The following ARHGEF10L variants were observed in gnomAD, a reference collection of about 807,000 sequenced individuals.
The protein encoded by ARHGEF10L is rho guanine nucleotide exchange factor 10-like protein.
ARHGEF10L carries 69 observed loss-of-function variants against 141.2 expected under a neutral mutation model. The ratio of observed to expected loss-of-function variants is 0.49; its 90% CI spans 0.40 to 0.60. The LOEUF (loss-of-function observed/expected upper bound fraction) is 0.60, where lower values mean the gene tolerates loss of function less well. ARHGEF10L is among the 20% of genes least tolerant of loss of function. The pLI is 0.00. For missense variants in ARHGEF10L, 1,482 were observed against 1,734.3 expected, an observed-to-expected ratio of 0.85 and a Z score of 2.58; for synonymous variants, 711 against 718.5, an observed-to-expected ratio of 0.99 and a Z score of 0.17.
At chr1:17,553,161 G>A (rs547336354) in intron 1 of ARHGEF10L, among the ~76,000 whole-genome samples, 3 of 152,290 alleles carry the variant, frequency 2.0e-5, no homozygotes, top group African/African-American at 7.2e-5. Flanking sequence ...CACTCCTCCA[G>A]GGCCTCAGAG....
intron 1 of ARHGEF10L, among the ~76,000 whole-genome samples, chr1:17,543,635 T>C (rs981636035): frequency 2.0e-5 from 3 of 151,992 alleles, no homozygotes; most frequent in African/African-American, 7.2e-5. Context: ...GTAAATTATA[T>C]ATATATAGTT....
Position 17,677,500 on chromosome 1 carries a change from C to T in ARHGEF10L, c.3010-10073C>T, listed in dbSNP as rs187519840. Among the ~76,000 whole-genome samples the T allele has an allele frequency of 3.3e-3, 498 of 152,338 alleles. 3 individuals are homozygous for T. The highest frequency in any genetic ancestry group is 6.8e-3 in the Middle Eastern group (2 of 294). The stretch of plus-strand genomic sequence containing the variant: ...CAGGCCTTCTGGCCCAGGGTGGGCA[C>T]TGGCTGGAGCTTTAGTCCCTGTGCT... On this transcript the variant is annotated intron_variant, in intron 26 of 28. Transcript: ENST00000361221.
chr1:17,607,618 C>T lies in ARHGEF10L; in HGVS notation c.434-184C>T, dbSNP rs184686642. On this transcript the variant is annotated intron_variant, in intron 6 of 28. Coordinates refer to ENST00000361221, the MANE Select transcript of ARHGEF10L (RefSeq NM_018125.4). The surrounding 1 kb of genome is among the most constrained non-coding windows in gnomAD (Gnocchi z 4.5). Reference sequence around the variant, plus strand: ...ATTTTCTCAGGCCCTCCTTGCCCTACGAGGGGGAAAATGTATTATCATCTT... The same window carrying T: ...ATTTTCTCAGGCCCTCCTTGCCCTATGAGGGGGAAAATGTATTATCATCTT... Among the ~76,000 whole-genome samples the T allele has an allele frequency of 1.7e-3, 257 of 152,298 alleles. 2 individuals carry two copies. The highest frequency in any genetic ancestry group is 0.01 in the Middle Eastern group (3 of 294).
the ARHGEF10L span, among the ~76,000 whole-genome samples, chr1:17,533,770 G>A: frequency 1.3e-5 from 2 of 152,218 alleles, no homozygotes; most frequent in African/African-American, 4.8e-5. Context: ...TGATGAGACC[G>A]ACTCTATCAT....
chr1:17,618,402 G>T, intron 9 of ARHGEF10L: 1 of 1,542,822 alleles, frequency 6.5e-7, no homozygotes, highest in Admixed American at 2.0e-5. Flanking sequence ...AGGCAGGCTG[G>T]GGTGGGTGCG....
At chr1:17,598,089 T>C (rs906187703) in intron 4 of ARHGEF10L, among the ~76,000 whole-genome samples, 4 of 151,656 alleles carry the variant, frequency 2.6e-5, no homozygotes, top group African/African-American at 9.7e-5. Flanking sequence ...GGGTGGCTTA[T>C]AAACAAGAGA....
At chr1:17,586,682 G>T (rs751580031) in intron 2 of ARHGEF10L, among the ~76,000 whole-genome samples, 1 of 152,196 alleles carries the variant, frequency 6.6e-6, no homozygotes, top group Non-Finnish European at 1.5e-5. Flanking sequence ...GGACAGACAG[G>T]TGAGATGTCT....
At chr1:17,537,636 A>G (rs987518964), upstream of ARHGEF10L, among the ~76,000 whole-genome samples, 3 of 152,170 alleles carry the variant, frequency 2.0e-5, no homozygotes, top group Non-Finnish European at 4.4e-5. Context: ...GTTCTCAGAC[A>G]GGAGGGTAAG....
intron 4 of ARHGEF10L, among the ~76,000 whole-genome samples, chr1:17,597,778 T>A (rs1011817474): frequency 6.6e-6 from 1 of 152,148 alleles, no homozygotes; most frequent in Admixed American, 6.5e-5. Flanking sequence ...CCAGAGCCAG[T>A]ACCTGGGCTG....
chr1:17,554,145 G>A (rs2077215378), intron 1 of ARHGEF10L, among the ~76,000 whole-genome samples: 1 of 152,192 alleles, frequency 6.6e-6, no homozygotes, highest in African/African-American at 2.4e-5. Flanking sequence ...CCGGGCCCTA[G>A]ATGCAAAAAT....
intron 1 of ARHGEF10L, among the ~76,000 whole-genome samples, chr1:17,557,356 CA>C (rs142762660): frequency 3.4e-5 from 5 of 148,332 alleles, no homozygotes; most frequent in Non-Finnish European, 6.0e-5. Flanking sequence ...AAAAAAAAAA[CA>C]AAAAAAACCA....
intron 11 of ARHGEF10L, 123 bp downstream of exon 11, chr1:17,622,064 A>G (rs2060137939): frequency 4.3e-6 from 4 of 934,994 alleles, no homozygotes; most frequent in East Asian, 5.2e-5. Flanking sequence ...ATAAGCCAGC[A>G]CTGCTTTATG....
chr1:17,549,071 G>C (rs574613541), intron 1 of ARHGEF10L, among the ~76,000 whole-genome samples: 1 of 149,544 alleles, frequency 6.7e-6, no homozygotes, highest in African/African-American at 2.5e-5. Flanking sequence ...CACCCCGGCT[G>C]GAGTGTGATG....
At chr1:17,617,455 C>T (rs1249681752) in intron 9 of ARHGEF10L, among the ~76,000 whole-genome samples, 6 of 152,176 alleles carry the variant, frequency 3.9e-5, no homozygotes, top group Non-Finnish European at 8.8e-5. Flanking sequence ...TATTCCCAGG[C>T]ATTGGTGGGA....
At chr1:17,669,619 G>T (rs2063193222) in intron 26 of ARHGEF10L, among the ~76,000 whole-genome samples, 1 of 152,190 alleles carries the variant, frequency 6.6e-6, no homozygotes, top group Non-Finnish European at 1.5e-5. Flanking sequence ...TCCTTGGGGT[G>T]CCTGGGCCCC....
intron 26 of ARHGEF10L, among the ~76,000 whole-genome samples, chr1:17,674,679 C>T (rs978070123): frequency 1.2e-4 from 19 of 152,358 alleles, no homozygotes; most frequent in Admixed American, 9.1e-4. Context: ...AACATAGTCA[C>T]GTGCTGCATA....
At chr1:17,581,644 C>T (rs1338381890) in intron 2 of ARHGEF10L, among the ~76,000 whole-genome samples, 1 of 152,154 alleles carries the variant, frequency 6.6e-6, no homozygotes, top group Non-Finnish European at 1.5e-5. Context: ...GGTTAAGTGA[C>T]ATGTTGTCTC....
intron 26 of ARHGEF10L, among the ~76,000 whole-genome samples, chr1:17,686,078 T>TTTCTTTCTTTCTTTCTTTCTTTCTTTC (rs1558033249): frequency 7.1e-6 from 1 of 140,552 alleles, no homozygotes; most frequent in African/African-American, 3.0e-5. Flanking sequence ...GTTTTGTTTT[T>TTTCTTTCTTTCTTTCTTTCTTTCTTTC]TTTCTTTCTT....
intron 25 of ARHGEF10L, among the ~76,000 whole-genome samples, chr1:17,658,038 C>CA (rs1162455485): frequency 1.3e-5 from 2 of 152,234 alleles, no homozygotes; most frequent in Non-Finnish European, 2.9e-5. Context: ...CATGTGCCCT[C>CA]AGAAGGCACT....
Sources: allele counts gnomAD v4.1 joint callset (sites outside exome capture counted in the v4.1 genomes callset), GRCh38; gene constraint gnomAD v4.1.1; non-coding constraint Gnocchi (gnomAD v3.1); transcripts MANE v1.5; gene names NCBI Gene and HGNC (gene_info 2026-07-23, HGNC 2026-07-21).